H3-3A: variants seen among roughly 807,000 people sequenced by gnomAD.
H3-3A encodes histone H3.3.
For missense variants in H3-3A, 7 were observed against 184.0 expected (o/e 0.04, Z 5.57); for synonymous variants, 49 against 61.4 (o/e 0.80, Z 0.95).
At chr1:226,065,906 G>A in intron 3 of H3-3A, 97 bp downstream of exon 3, 2 of 921,780 alleles carry the variant, frequency 2.2e-6, no homozygotes, top group South Asian at 1.4e-5. Context: ...TTAATCACAA[G>A]CCTGTCAGGT....
upstream of H3-3A, chr1:226,062,211 G>A (rs1342002517): frequency 6.6e-6 from 1 of 151,340 alleles, no homozygotes; most frequent in Non-Finnish European, 1.5e-5. Flanking sequence ...CTGCCGCCCG[G>A]GTCTCCTCGG....
At chr1:226,063,795 C>T (rs914369185) in intron 1 of H3-3A, among the ~76,000 whole-genome samples, 4 of 151,738 alleles carry the variant, frequency 2.6e-5, no homozygotes, top group Non-Finnish European at 2.9e-5. Flanking sequence ...GCTGTTGTTC[C>T]TCTCTTGTTT....
At chr1:226,068,407 C>T (rs1010502654) in intron 3 of H3-3A, among the ~76,000 whole-genome samples, 4 of 152,224 alleles carry the variant, frequency 2.6e-5, no homozygotes, top group South Asian at 2.1e-4. Context: ...TGATGGTTTG[C>T]TTGCATAGTA....
chr1:226,069,447 G>A (rs991543573), intron 3 of H3-3A, among the ~76,000 whole-genome samples: 2 of 152,200 alleles, frequency 1.3e-5, no homozygotes, highest in Admixed American at 1.3e-4. Context: ...TAGAAAAGGA[G>A]AGAGAGCCAA....
intron 3 of H3-3A, among the ~76,000 whole-genome samples, chr1:226,069,518 T>C (rs1473890963): frequency 1.3e-5 from 2 of 152,200 alleles, no homozygotes; most frequent in Non-Finnish European, 2.9e-5. Flanking sequence ...TTTTTTAAAA[T>C]GGTAATTTCT....
At position 226,067,746 on chromosome 1, in the gene H3-3A, A is replaced by G. The variant is rs866518838; in HGVS notation, c.282+1937A>G. Among the ~76,000 whole-genome samples the G allele has an allele frequency of 7.1e-5, 5 of 70,804 alleles. No individual in the cohort carries two copies. The South Asian group carries it at 1.3e-3, about 19-fold the overall frequency. The allele number at this position is 70,804 out of a possible 152,430, so 46.5% of individuals were successfully genotyped here. A position where few individuals can be genotyped will look rare whatever the true frequency, so the allele number is the denominator to read the frequency against. Reference sequence around the variant, plus strand: ...AACAAGAGCAAAACTCTTGTCTCAAAAAAAAAAAAAAGATAACAGAGGGAG... The same window carrying G: ...AACAAGAGCAAAACTCTTGTCTCAAGAAAAAAAAAAAGATAACAGAGGGAG... On this transcript the variant is annotated intron_variant, in intron 3 of 3. Coordinates refer to ENST00000366815, the MANE Select transcript of H3-3A (RefSeq NM_002107.7).
At chr1:226,067,972 T>C (rs1479501020) in intron 3 of H3-3A, among the ~76,000 whole-genome samples, 1 of 152,226 alleles carries the variant, frequency 6.6e-6, no homozygotes, top group Non-Finnish European at 1.5e-5. Context: ...TTGCTTTTAA[T>C]GTCTGAGAAC....
At chr1:226,067,526 G>A (rs570526795) in intron 3 of H3-3A, among the ~76,000 whole-genome samples, 2 of 152,180 alleles carry the variant, frequency 1.3e-5, no homozygotes, top group East Asian at 3.9e-4. Context: ...ATCACCTGAG[G>A]TCAGGAGTTC....
chr1:226,067,865 C>G (rs1048565804), intron 3 of H3-3A, among the ~76,000 whole-genome samples: 3 of 152,120 alleles, frequency 2.0e-5, no homozygotes, highest in African/African-American at 7.2e-5. Flanking sequence ...CACTTTACAA[C>G]TAAAGGATAG....
At chr1:226,064,180 A>T in intron 1 of H3-3A, 149 bp from the exon 2 acceptor site, 1 of 584,290 alleles carries the variant, frequency 1.7e-6, no homozygotes, top group East Asian at 3.1e-5. Flanking sequence ...GGTAGACGTA[A>T]TCTTCACCCT....
chr1:226,062,845 C>G (rs911420375), intron 1 of H3-3A, 34 bp downstream of exon 1: 1 of 159,510 alleles, frequency 6.3e-6, no homozygotes, highest in East Asian at 1.9e-4. Context: ...TCCCCGGAAC[C>G]GAGCCCCGCT....
At chr1:226,070,261 C>G (rs544644324) in intron 3 of H3-3A, among the ~76,000 whole-genome samples, 1 of 152,102 alleles carries the variant, frequency 6.6e-6, no homozygotes, top group East Asian at 1.9e-4. Flanking sequence ...GCAGGAGGAT[C>G]ACGAGGTCAG....
intron 3 of H3-3A, 120 bp downstream of exon 3, chr1:226,065,929 T>A: frequency 1.2e-6 from 1 of 809,232 alleles, no homozygotes; most frequent in Non-Finnish European, 2.1e-6. Context: ...TTGATATTGT[T>A]ACTTCACTGT....
At position 226,069,649 on chromosome 1, in the gene H3-3A, T is replaced by C. The variant is rs570044265; in HGVS notation, c.283-1702T>C. On this transcript the variant is annotated intron_variant, in intron 3 of 3. Transcript: ENST00000366815. ...GAGTTCAAGACCAGCCTGGCCAACA[T>C]GGTGAAACCCCATCTCTACTAAAAA... Among the ~76,000 whole-genome samples, 74 of 152,080 alleles carry C rather than the reference T, an allele frequency of 4.9e-4. 2 individuals are homozygous for C. The highest frequency in any genetic ancestry group is 1.8e-3 in the African/African-American group (74 of 41,488).
intron 3 of H3-3A, 191 bp downstream of exon 3, chr1:226,066,000 A>T: frequency 3.3e-6 from 2 of 608,558 alleles, no homozygotes; most frequent in Non-Finnish European, 6.0e-6. Flanking sequence ...CAAAACCATA[A>T]TTTGAACCTA....
chr1:226,069,701 C>T (rs1002870933), intron 3 of H3-3A, among the ~76,000 whole-genome samples: 1 of 152,156 alleles, frequency 6.6e-6, no homozygotes, highest in African/African-American at 2.4e-5. Flanking sequence ...CGTGATGGTG[C>T]ATGCCTGTAA....
At chr1:226,069,308 A>G (rs1405712800) in intron 3 of H3-3A, among the ~76,000 whole-genome samples, 1 of 152,122 alleles carries the variant, frequency 6.6e-6, no homozygotes, top group Non-Finnish European at 1.5e-5. Context: ...CGGCCTCCCA[A>G]AGTGCTGGGA....
At chr1:226,066,606 A>G (rs1375540187) in intron 3 of H3-3A, 3 of 152,200 alleles carry the variant, frequency 2.0e-5, no homozygotes, top group African/African-American at 7.2e-5. Flanking sequence ...CACTTAAGTA[A>G]CCTATTTTAT....
chr1:226,069,239 G>A (rs1030344696), intron 3 of H3-3A, among the ~76,000 whole-genome samples: 22 of 152,108 alleles, frequency 1.4e-4, no homozygotes, highest in African/African-American at 5.3e-4. Context: ...TAGAGACAAG[G>A]TTTCTCCGTG....
Sources: gnomAD v4.1 joint callset for allele counts (sites outside exome capture counted in the v4.1 genomes callset) on GRCh38, gnomAD v4.1.1 for gene constraint, MANE v1.5 for transcripts, NCBI Gene and HGNC (gene_info 2026-07-23, HGNC 2026-07-21) for gene names.